Variants in BCORL1 observed in about 807,000 individuals in gnomAD.
BCORL1 encodes the protein BCL-6 corepressor-like protein 1.
Under a neutral mutation model 87.6 loss-of-function variants are expected in BCORL1, and 7 were observed. The observed-to-expected ratio is 0.08, with a 90% CI of 0.05 to 0.15. BCORL1 has a LOEUF of 0.15. Among genes scored for constraint, BCORL1 ranks in the 10% least tolerant of loss-of-function variants. The probability of loss-of-function intolerance (pLI) is 1.00; values close to 1 mark genes in which losing one functional copy is unlikely to be tolerated. For missense variants in BCORL1, 1,215 were observed against 1,499.7 expected (o/e 0.81, Z 3.13); for synonymous variants, 591 against 634.4 (o/e 0.93, Z 1.03).
chrX:129,986,900 C>G (rs1926676586), intron 1 of BCORL1, among the ~76,000 whole-genome samples: 1 of 111,303 alleles, frequency 9.0e-6, no homozygotes, highest in African/African-American at 3.3e-5. Context: ...GATCTCAGGA[C>G]ACTATTGGTT....
intron 1 of BCORL1, among the ~76,000 whole-genome samples, chrX:129,991,289 G>C (rs1927131321): frequency 9.1e-6 from 1 of 110,420 alleles, no homozygotes; most frequent in Non-Finnish European, 1.9e-5. Flanking sequence ...GCTGATTTTT[G>C]TATTTTTTCT....
intron 5 of BCORL1, among the ~76,000 whole-genome samples, chrX:130,022,477 A>G (rs1406449253): frequency 2.8e-5 from 3 of 107,810 alleles, no homozygotes; most frequent in African/African-American, 1.0e-4. Context: ...CGATCTCCTG[A>G]CCTCAGGTGA....
intron 2 of BCORL1, among the ~76,000 whole-genome samples, chrX:130,005,919 C>G (rs1358340931): frequency 9.0e-6 from 1 of 111,247 alleles, no homozygotes; most frequent in East Asian, 2.8e-4. Flanking sequence ...AGCCACTGCC[C>G]ATGCCTGGCC....
chrX:129,994,426 G>A (rs1927398836), intron 1 of BCORL1, among the ~76,000 whole-genome samples: 1 of 111,947 alleles, frequency 8.9e-6, no homozygotes, highest in African/African-American at 3.3e-5. Flanking sequence ...TGAAAAGGAC[G>A]TAGTATTGGT....
intron 1 of BCORL1, among the ~76,000 whole-genome samples, chrX:129,990,431 C>T (rs77744485): frequency 3.6e-5 from 4 of 110,016 alleles, no homozygotes; most frequent in Non-Finnish European, 7.6e-5. Context: ...CGGGGTTTCA[C>T]TGTGTTAGCC....
At position 130,014,575 on chromosome X, in the gene BCORL1, T is replaced by C. The variant is rs1929257711; in HGVS notation, c.1803T>C (p.Leu601=). Residue 601 remains leucine, a synonymous_variant, in exon 4 of 14, where the codon CTT becomes CTC. Transcript: ENST00000540052. ...GGACTTCCGTTACCTTCTCTCCTCT[T>C]AAGTCACCGCCACAGCTGGAACGAG... The part of the protein sequence containing the change: ...TEGTSVTFSP[L]KSPPQLEREM... The C allele has an allele frequency of 8.3e-7, 1 of 1,209,386 alleles. No homozygotes were observed. The highest frequency in any genetic ancestry group is 2.2e-5 in the Admixed American group (1 of 45,720).
intron 2 of BCORL1, among the ~76,000 whole-genome samples, chrX:130,005,636 G>T (rs1928427190): frequency 9.0e-6 from 1 of 110,561 alleles, no homozygotes; most frequent in Non-Finnish European, 1.9e-5. Flanking sequence ...TGTTTTTTGA[G>T]ACAGAGCCTC....
At chrX:129,983,047 C>T (rs377043174) in intron 1 of BCORL1, among the ~76,000 whole-genome samples, 1 of 110,206 alleles carries the variant, frequency 9.1e-6, no homozygotes, top group East Asian at 2.9e-4. Flanking sequence ...GGGCGCCGTC[C>T]TCTTCGTGTC....
intron 13 of BCORL1, among the ~76,000 whole-genome samples, chrX:130,053,258 C>T (rs1437181939): frequency 1.8e-5 from 2 of 111,042 alleles, no homozygotes; most frequent in Non-Finnish European, 3.8e-5. Context: ...GGGCTCTAAC[C>T]ATTAGACCAC....
At chrX:129,993,630 G>C (rs768872709) in intron 1 of BCORL1, among the ~76,000 whole-genome samples, 1 of 111,858 alleles carries the variant, frequency 8.9e-6, no homozygotes, top group South Asian at 3.7e-4. Flanking sequence ...CAAGGTTGCA[G>C]TGAGCTATGA....
chrX:129,989,536 G>A (rs1441779151), intron 1 of BCORL1, among the ~76,000 whole-genome samples: 2 of 83,990 alleles, frequency 2.4e-5, no homozygotes, highest in East Asian at 7.4e-4. Flanking sequence ...GTGTGATCTC[G>A]GCTCACTGCA....
At chrX:129,990,110 T>C (rs1926988435) in intron 1 of BCORL1, among the ~76,000 whole-genome samples, 1 of 111,915 alleles carries the variant, frequency 8.9e-6, no homozygotes, top group Admixed American at 9.4e-5. Flanking sequence ...GAGCCTCAGT[T>C]TTCTCATCTA....
At chrX:130,051,456 G>C (rs751363759) in intron 12 of BCORL1, among the ~76,000 whole-genome samples, 2 of 112,977 alleles carry the variant, frequency 1.8e-5, no homozygotes, top group South Asian at 3.6e-4. Context: ...TCTGGGCTTC[G>C]TGGGAGCCCT....
intron 11 of BCORL1, among the ~76,000 whole-genome samples, chrX:130,043,519 C>T (rs888402323): frequency 1.8e-5 from 2 of 108,727 alleles, no homozygotes; most frequent in Non-Finnish European, 3.8e-5. Context: ...GAAGCTTTTC[C>T]CTCCACTGCT....
intron 5 of BCORL1, among the ~76,000 whole-genome samples, chrX:130,022,232 CTTTCTTTTTTTT>C (rs1166318331): frequency 2.7e-5 from 2 of 74,406 alleles, no homozygotes; most frequent in Non-Finnish European, 5.1e-5. Flanking sequence ...TTCTTTCTTT[CTTTCTTTTTTTT>C]TTTTTTTTTT....
rs868434655 is a variant in BCORL1, at chrX:130,015,239, C to T, written c.2467C>T (p.Pro823Ser). ...IYPRCSVNGK[P>S]TSTQVLPVGW... ...TCCCCGGTGTTCAGTCAATGGGAAACCTACCAGCACCCAGGTCCTGCCTGT... is the reference window on the plus strand; with the variant it reads ...TCCCCGGTGTTCAGTCAATGGGAAATCTACCAGCACCCAGGTCCTGCCTGT... The change falls in exon 4 of 14, where the codon CCT becomes TCT. Residue 823 changes from proline (P) to serine (S), a missense_variant. Physicochemically the swap from Pro to Ser is moderately conservative, Grantham distance 74. Coordinates refer to ENST00000540052, the MANE Select transcript of BCORL1 (RefSeq NM_001379451.1). The T allele has an allele frequency of 8.3e-6, 10 of 1,210,844 alleles. No individual in the cohort carries two copies. Among genetic ancestry groups the T allele is most frequent in the Middle Eastern group, 4.6e-4 (2 of 4,376 alleles).
In BCORL1 at chrX:130,013,148, G is replaced by A. The variant is rs1603107557; in HGVS notation, c.376G>A (p.Ala126Thr). ...CCCAGGAGACGGGCTCAAGCTTCCC[G>A]CATCTGACAGCGCCGAGGCCAGCAA... The part of the protein sequence containing the change: ...SSPGDGLKLP[A>T]SDSAEASNSR... Residue 126 changes from alanine (A) to threonine (T), a missense_variant, in exon 4 of 14, where the codon GCA (alanine) becomes ACA (threonine). By Grantham distance (58) the Ala-to-Thr change is moderately conservative. This residue lies in a region of BCORL1 where 861 missense variants were observed against 1,010.0 expected (regional missense o/e 0.85). Coordinates refer to ENST00000540052, the MANE Select transcript of BCORL1 (RefSeq NM_001379451.1). The A allele has an allele frequency of 4.1e-6, 5 of 1,211,084 alleles. No individual in the cohort carries two copies. The highest frequency in any genetic ancestry group is 3.0e-5 in the East Asian group (1 of 33,814).
chrX:130,029,901 C>T (rs867856699), intron 8 of BCORL1, among the ~76,000 whole-genome samples: 2 of 111,245 alleles, frequency 1.8e-5, no homozygotes, highest in African/African-American at 6.5e-5. Context: ...GTGATCCGCC[C>T]GCCTTGGCCT....
chrX:130,029,647 T>TC (rs767685403), intron 8 of BCORL1, among the ~76,000 whole-genome samples: 1 of 108,029 alleles, frequency 9.3e-6, no homozygotes, highest in Admixed American at 1.0e-4. Flanking sequence ...TTATTTTTTT[T>TC]TTTCTCTCTC....
Sources: gnomAD v4.1 joint callset for allele counts (sites outside exome capture counted in the v4.1 genomes callset) on GRCh38, gnomAD v4.1.1 for gene constraint, gnomAD v4.1.1 regional missense constraint, MANE v1.5 for transcripts, NCBI Gene and HGNC (gene_info 2026-07-23, HGNC 2026-07-21) for gene names.